The following CXADR variants were observed in gnomAD, a reference collection of about 807,000 sequenced individuals.
CXADR encodes CXADR cell adhesion molecule, also known as coxsackievirus and adenovirus receptor.
Under a neutral mutation model 40.3 loss-of-function variants are expected in CXADR, and 20 were observed. The observed-to-expected ratio is 0.50, with a 90% CI of 0.35 to 0.72. The LOEUF (loss-of-function observed/expected upper bound fraction) is 0.72, where lower values mean the gene tolerates loss of function less well. Ranked by LOEUF, CXADR falls within the 30% of genes least tolerant of loss-of-function variation. CXADR has a pLI of 0.01. For synonymous variants in CXADR, 150 were observed against 161.3 expected (o/e 0.93, Z 0.53); for missense variants, 332 against 449.1 (o/e 0.74, Z 2.36).
At chr21:17,535,064 G>A (rs1317115108) in intron 1 of CXADR, among the ~76,000 whole-genome samples, 1 of 152,118 alleles carries the variant, frequency 6.6e-6, no homozygotes, top group Non-Finnish European at 1.5e-5. Flanking sequence ...TTATAGGCAT[G>A]AGCCACCGCG....
intron 1 of CXADR, among the ~76,000 whole-genome samples, chr21:17,513,900 G>A (rs536798201): frequency 6.6e-6 from 1 of 152,362 alleles, no homozygotes; most frequent in Non-Finnish European, 1.5e-5. Context: ...TTTGTAATGA[G>A]TCGTTCATTT....
At chr21:17,522,153 C>T (rs1311108781) in intron 1 of CXADR, among the ~76,000 whole-genome samples, 1 of 151,560 alleles carries the variant, frequency 6.6e-6, no homozygotes, top group African/African-American at 2.4e-5. Context: ...CTTCTTTCTT[C>T]CTTTTTTTTT....
intron 1 of CXADR, among the ~76,000 whole-genome samples, chr21:17,519,711 T>A (rs1334322497): frequency 1.3e-5 from 2 of 152,184 alleles, no homozygotes; most frequent in African/African-American, 4.8e-5. Flanking sequence ...CTTGTATCCA[T>A]CATGGTAATC....
At position 17,530,073 on chromosome 21, in the gene CXADR, T is replaced by C. The variant is rs188789953; in HGVS notation, c.43+16901T>C. Among the ~76,000 whole-genome samples the C allele has an allele frequency of 5.6e-4, 84 of 150,798 alleles. 1 individual carries two copies. Among genetic ancestry groups the C allele is most frequent in the Non-Finnish European group, 9.4e-4 (64 of 67,820 alleles). On this transcript the variant is annotated intron_variant, in intron 1 of 6. Coordinates refer to ENST00000284878, the MANE Select transcript of CXADR (RefSeq NM_001338.5). ...AAGCGATTCTCTTCCCTCAGCCTCC[T>C]GAGTAGCTGGGACTACAGGCGCATG...
downstream of CXADR, among the ~76,000 whole-genome samples, chr21:17,571,420 T>A (rs183094862): frequency 6.6e-6 from 1 of 152,324 alleles, no homozygotes; most frequent in East Asian, 1.9e-4. Context: ...GAACTGAGAA[T>A]AATTAAATGC....
chr21:17,611,616 A>C, the CXADR span: 3 of 152,448 alleles, frequency 2.0e-5, no homozygotes, highest in South Asian at 2.1e-4. Flanking sequence ...AGGGCCAAGA[A>C]GACCTCAGGC....
chr21:17,565,377 G>C, intron 6 of CXADR, 51 bp from the exon 7 acceptor site: 1 of 1,576,996 alleles, frequency 6.3e-7, no homozygotes, highest in African/African-American at 1.4e-5. Context: ...CATAATTGTA[G>C]GTTTTTAGAA....
chr21:17,594,352 T>C (rs200554253), downstream of CXADR: 12 of 1,599,232 alleles, frequency 7.5e-6, no homozygotes, highest in South Asian at 3.4e-5. Flanking sequence ...AGAGAACACA[T>C]TAAGTTAATT....
At chr21:17,529,794 T>G (rs1321795619) in intron 1 of CXADR, among the ~76,000 whole-genome samples, 1 of 152,166 alleles carries the variant, frequency 6.6e-6, no homozygotes, top group African/African-American at 2.4e-5. Flanking sequence ...GTTTAGACCA[T>G]TAATTTTTAT....
intron 1 of CXADR, among the ~76,000 whole-genome samples, chr21:17,529,034 C>CTTTTTTTTT (rs10530177): frequency 5.2e-4 from 63 of 121,388 alleles, no homozygotes; most frequent in Non-Finnish European, 8.3e-4. Flanking sequence ...GACTTTTTGT[C>CTTTTTTTTT]TTTTTTTTTT....
At chr21:17,529,375 C>T (rs2060641016) in intron 1 of CXADR, among the ~76,000 whole-genome samples, 1 of 152,002 alleles carries the variant, frequency 6.6e-6, no homozygotes, top group African/African-American at 2.4e-5. Context: ...GGCTGCAGTG[C>T]AGTGGCATGA....
chr21:17,551,151 G>T (rs984619399), intron 2 of CXADR, among the ~76,000 whole-genome samples: 8 of 152,204 alleles, frequency 5.3e-5, no homozygotes, highest in African/African-American at 1.9e-4. Flanking sequence ...TATAATCACA[G>T]CACTTTGGGA....
Position 17,569,133 on chromosome 21 carries a change from T to C in CXADR, c.*3441T>C, listed in dbSNP as rs545193944. On this transcript the variant is annotated 3_prime_UTR_variant, in exon 7 of 7. Coordinates refer to ENST00000284878, the MANE Select transcript of CXADR (RefSeq NM_001338.5). Reference sequence around the variant, plus strand: ...TGTGATGTGTGGCTTCTTAAAAATATTCTCAGTGTCTTTTGTGTGCGTGCA... The same window carrying C: ...TGTGATGTGTGGCTTCTTAAAAATACTCTCAGTGTCTTTTGTGTGCGTGCA... 7.7e-5 allele frequency: 76 copies of C among 985,426 alleles called. 1 individual carries two copies. The South Asian group carries it at 2.4e-3, about 31-fold the overall frequency. 61.0% of individuals were successfully genotyped at this position (985,426 alleles called of 1,614,324 possible).
intron 1 of CXADR, chr21:17,530,273 C>T: frequency 3.1e-6 from 1 of 327,732 alleles, no homozygotes. Flanking sequence ...CCTCCTTCAC[C>T]CTTTTTTCCA....
chr21:17,623,884 C>A, the CXADR span, among the ~76,000 whole-genome samples: 2 of 152,168 alleles, frequency 1.3e-5, no homozygotes, highest in Non-Finnish European at 2.9e-5. Context: ...ACTCAAGTAG[C>A]AGTTTTAAAT....
chr21:17,588,661 G>C (rs868067998), intron 7 of CXADR, among the ~76,000 whole-genome samples: 1 of 152,002 alleles, frequency 6.6e-6, no homozygotes, highest in South Asian at 2.1e-4. Context: ...CTGTAATTCT[G>C]TTTCACTGGT....
At chr21:17,603,566 TAC>T in the CXADR span, among the ~76,000 whole-genome samples, 5 of 152,230 alleles carry the variant, frequency 3.3e-5, no homozygotes, top group African/African-American at 1.2e-4. Context: ...ACCTTAGGAG[TAC>T]ATAGTTAGGG....
chr21:17,616,751 G>A, the CXADR span, among the ~76,000 whole-genome samples: 12 of 152,212 alleles, frequency 7.9e-5, no homozygotes, highest in African/African-American at 2.9e-4. Flanking sequence ...GCCTTTGGAG[G>A]TCCAGCAAGT....
At chr21:17,593,843 TAA>T, downstream of CXADR, 3 of 465,434 alleles carry the variant, frequency 6.4e-6, no homozygotes, top group Non-Finnish European at 1.1e-5. Flanking sequence ...GCACAATATA[TAA>T]ATACTCAAGT....
Sources: gnomAD v4.1 joint callset for allele counts (sites outside exome capture counted in the v4.1 genomes callset) on GRCh38, gnomAD v4.1.1 for gene constraint, MANE v1.5 for transcripts, NCBI Gene and HGNC (gene_info 2026-07-23, HGNC 2026-07-21) for gene names.